ARL15: variants seen among roughly 807,000 people sequenced by gnomAD.
ARL15 encodes ARF like GTPase 15.
A neutral mutation model predicts 25.2 loss-of-function variants in ARL15; 19 were observed. The observed-to-expected ratio is 0.75, with a 90% CI of 0.53 to 1.10. ARL15 has a LOEUF of 1.10. Among genes scored for constraint, ARL15 ranks in the 50% least tolerant of loss-of-function variants. The probability of loss-of-function intolerance (pLI) is 0.00; values close to 1 mark genes in which losing one functional copy is unlikely to be tolerated. For synonymous variants in ARL15, 94 were observed against 86.8 expected (o/e 1.08, Z -0.46); for missense variants, 220 against 246.0 (o/e 0.89, Z 0.71).
intron 4 of ARL15, among the ~76,000 whole-genome samples, chr5:54,060,272 T>C (rs907928465): frequency 4.0e-4 from 61 of 151,782 alleles, no homozygotes; most frequent in African/African-American, 1.4e-3. Flanking sequence ...GTGTCTACTA[T>C]ACAAAAATTA....
intron 4 of ARL15, among the ~76,000 whole-genome samples, chr5:54,052,566 G>A (rs1303625471): frequency 1.3e-5 from 2 of 152,148 alleles, no homozygotes; most frequent in African/African-American, 2.4e-5. Context: ...GATAGCGTGA[G>A]CCAGATTTCT....
rs367903191 is a variant in ARL15, at chr5:53,918,342, T to G, written c.463-31629A>C. Among the ~76,000 whole-genome samples the G allele has an allele frequency of 2.4e-4, 37 of 152,150 alleles. No individual in the cohort carries two copies. The East Asian group carries it at 7.0e-3, about 29-fold the overall frequency. On this transcript the variant is annotated intron_variant, in intron 4 of 4. Transcript: ENST00000504924. ...CTGGGACAACAAATGTGTACTACCA[T>G]GCCTGGCTAATTTTTTTTTATTTTT...
At chr5:54,256,376 T>C (rs1378566067) in intron 1 of ARL15, among the ~76,000 whole-genome samples, 3 of 118,308 alleles carry the variant, frequency 2.5e-5, no homozygotes, top group Admixed American at 9.7e-5. Context: ...ATAGAAATCC[T>C]GAACAGAAGA....
At position 53,924,020 on chromosome 5, in the gene ARL15, G is replaced by T. The variant is rs117270537; in HGVS notation, c.463-37307C>A. 2.4e-3 allele frequency among the ~76,000 whole-genome samples: 363 copies of T among 152,330 alleles called. 2 individuals are homozygous for T. The East Asian group carries it at 0.026, about 11-fold the overall frequency. ...ATTTTCAATTAGAAAGCAGAACGTT[G>T]AAGATAAATGAGACATGACTATAAG... On this transcript the variant is annotated intron_variant, in intron 4 of 4. Coordinates refer to ENST00000504924, the MANE Select transcript of ARL15 (RefSeq NM_019087.3).
At position 54,066,840 on chromosome 5, in the gene ARL15, TA is replaced by T. The variant is rs754459188; in HGVS notation, c.462+46361del. 1.8e-3 allele frequency among the ~76,000 whole-genome samples: 275 copies of T among 152,188 alleles called. 3 individuals are homozygous for T. Among genetic ancestry groups the T allele is most frequent in the African/African-American group, 6.4e-3 (265 of 41,536 alleles). ...ATACAAGAAACTAAATTAAAAAATA[TA>T]AAAAAATTATTACTAAAAAAGTAAC... is the stretch of plus-strand genomic sequence containing the variant. On this transcript the variant is annotated intron_variant, in intron 4 of 4. Coordinates refer to ENST00000504924, the MANE Select transcript of ARL15 (RefSeq NM_019087.3).
At position 54,114,106 on chromosome 5, in the gene ARL15, C is replaced by T. The variant is rs1216372501; in HGVS notation, c.254-696G>A. On this transcript the variant is annotated intron_variant, in intron 3 of 4. Transcript: ENST00000504924. ...ACAAACAAATAAACAAACAAACAAA[C>T]ATATGGAGAGGCTGGGCGCGGTGGT... 2.0e-5 allele frequency among the ~76,000 whole-genome samples: 3 copies of T among 151,578 alleles called. No individual in the cohort carries two copies. In the East Asian group the frequency reaches 5.8e-4, roughly 29 times the overall value.
At chr5:54,286,465 G>T (rs1346773008) in intron 1 of ARL15, 2 of 152,184 alleles carry the variant, frequency 1.3e-5, no homozygotes, top group African/African-American at 4.8e-5. Context: ...ATTAGCACAT[G>T]ATCTCTGTGA....
At chr5:53,987,711 G>A (rs1164929743) in intron 4 of ARL15, among the ~76,000 whole-genome samples, 2 of 152,118 alleles carry the variant, frequency 1.3e-5, no homozygotes, top group African/African-American at 4.8e-5. Flanking sequence ...AGCAGTTTGG[G>A]AGGCCAAGGT....
chr5:53,954,225 A>G (rs1487103197), intron 4 of ARL15, among the ~76,000 whole-genome samples: 1 of 152,180 alleles, frequency 6.6e-6, no homozygotes, highest in Non-Finnish European at 1.5e-5. Flanking sequence ...TTGAAGAAGC[A>G]TGGTATGACA....
chr5:54,243,365 T>C (rs1324784372), intron 1 of ARL15, among the ~76,000 whole-genome samples: 1 of 152,212 alleles, frequency 6.6e-6, no homozygotes, highest in Non-Finnish European at 1.5e-5. Context: ...ATATTCAAGC[T>C]GACAAGCTGA....
chr5:53,912,055 C>A (rs1745480497), intron 4 of ARL15: 1 of 151,858 alleles, frequency 6.6e-6, no homozygotes, highest in African/African-American at 2.4e-5. Flanking sequence ...TGCATGTCAT[C>A]CTTCCACAGG....
intron 4 of ARL15, among the ~76,000 whole-genome samples, chr5:53,934,851 T>A (rs565602215): frequency 1.3e-5 from 2 of 152,154 alleles, no homozygotes; most frequent in Admixed American, 6.5e-5. Flanking sequence ...TTTAGGAAGG[T>A]TGACTGCCTC....
intron 4 of ARL15, among the ~76,000 whole-genome samples, chr5:53,955,466 A>G (rs1400771961): frequency 6.6e-6 from 1 of 152,192 alleles, no homozygotes; most frequent in Non-Finnish European, 1.5e-5. Context: ...TAAATAAAAC[A>G]CACTTCTAAA....
intron 3 of ARL15, among the ~76,000 whole-genome samples, chr5:54,143,874 T>C (rs915756378): frequency 3.3e-5 from 5 of 152,076 alleles, no homozygotes; most frequent in African/African-American, 4.8e-5. Flanking sequence ...CATTTATGAA[T>C]ATATCATCCT....
At chr5:54,058,009 TTTATTTA>T (rs1750935338) in intron 4 of ARL15, among the ~76,000 whole-genome samples, 1 of 113,446 alleles carries the variant, frequency 8.8e-6, no homozygotes, top group Non-Finnish European at 1.8e-5. Flanking sequence ...TATTTATTTA[TTTATTTA>T]TTTTTTTTGA....
chr5:54,086,555 T>G (rs1751971127), intron 4 of ARL15, among the ~76,000 whole-genome samples: 1 of 152,104 alleles, frequency 6.6e-6, no homozygotes, highest in Non-Finnish European at 1.5e-5. Flanking sequence ...GATTGTTGAC[T>G]CTAACTGTAA....
chr5:53,911,751 C>T (rs1745472027), intron 4 of ARL15, among the ~76,000 whole-genome samples: 1 of 152,050 alleles, frequency 6.6e-6, no homozygotes, highest in African/African-American at 2.4e-5. Flanking sequence ...GTTCTCATAG[C>T]TTGGCTCCCA....
intron 1 of ARL15, among the ~76,000 whole-genome samples, chr5:54,294,161 T>C (rs765502325): frequency 1.3e-5 from 2 of 152,192 alleles, no homozygotes; most frequent in Non-Finnish European, 2.9e-5. Flanking sequence ...CAATACTGCC[T>C]CTCTTCTTTG....
At position 54,123,361 on chromosome 5, in the gene ARL15, G is replaced by A. The variant is rs189138282; in HGVS notation, c.254-9951C>T. On this transcript the variant is annotated intron_variant, in intron 3 of 4. Transcript: ENST00000504924. ...CCTGACCTCGTGATCTGCCTGCCTCGGCCTCCCAAAGTGCTGGGATTACAG... is the reference window on the plus strand; with the variant it reads ...CCTGACCTCGTGATCTGCCTGCCTCAGCCTCCCAAAGTGCTGGGATTACAG... Among the ~76,000 whole-genome samples the A allele has an allele frequency of 8.4e-4, 127 of 152,030 alleles. 1 individual carries two copies. The highest frequency in any genetic ancestry group is 7.3e-3 in the Admixed American group (111 of 15,270).
Sources: allele counts gnomAD v4.1 joint callset (sites outside exome capture counted in the v4.1 genomes callset), GRCh38; gene constraint gnomAD v4.1.1; transcripts MANE v1.5; gene names NCBI Gene and HGNC (gene_info 2026-07-23, HGNC 2026-07-21).